The following PAPSS2 variants were observed in gnomAD, a reference collection of about 807,000 sequenced individuals.
PAPSS2 encodes the protein 3'-phosphoadenosine 5'-phosphosulfate synthase 2.
In PAPSS2, 61 loss-of-function variants were observed where a neutral mutation model predicts 66.5. That is an observed-to-expected ratio of 0.92 (90% CI 0.75 to 1.14). The LOEUF (loss-of-function observed/expected upper bound fraction) is 1.14, where lower values mean the gene tolerates loss of function less well. Among genes scored for constraint, PAPSS2 ranks in the 50% most tolerant of loss-of-function variants. The pLI, the probability that PAPSS2 is intolerant of heterozygous loss-of-function variation, is 0.00. For missense variants in PAPSS2, 708 were observed against 789.6 expected, an observed-to-expected ratio of 0.90 and a Z score of 1.24; for synonymous variants, 289 against 287.5, an observed-to-expected ratio of 1.01 and a Z score of -0.05.
rs577960193 is a variant in PAPSS2, at chr10:87,720,356, G to A, written c.866-1400G>A. On this transcript the variant is annotated intron_variant, in intron 7 of 12. Transcript: ENST00000456849. ...GTATCAGGAGGAAGCCATTTGAAAC[G>A]CAGCAACAGAGGCTCCTGACAGTGC... Among the ~76,000 whole-genome samples, 24 of 152,322 alleles carry A rather than the reference G, an allele frequency of 1.6e-4. No individual in the cohort carries two copies. The South Asian group carries it at 4.8e-3, about 30-fold the overall frequency.
At position 87,672,260 on chromosome 10, in the gene PAPSS2, T is replaced by C. The variant is rs574904513; in HGVS notation, c.27+12252T>C. ...GAGGCTCAGGGATATTGGGATGATA[T>C]TTGGTATGAAGGGTTTCTTATTTGG... On this transcript the variant is annotated intron_variant, in intron 1 of 12. Transcript: ENST00000456849. Among the ~76,000 whole-genome samples the C allele has an allele frequency of 4.6e-5, 7 of 152,292 alleles. No individual in the cohort carries two copies. The South Asian group carries it at 1.5e-3, about 32-fold the overall frequency.
At chr10:87,687,981 C>G (rs1353540097) in intron 1 of PAPSS2, among the ~76,000 whole-genome samples, 1 of 152,100 alleles carries the variant, frequency 6.6e-6, no homozygotes, top group African/African-American at 2.4e-5. Context: ...TTCATATACA[C>G]TTTTATTCTA....
At chr10:87,697,982 T>G (rs893288046) in intron 1 of PAPSS2, among the ~76,000 whole-genome samples, 7 of 152,246 alleles carry the variant, frequency 4.6e-5, no homozygotes, top group African/African-American at 1.7e-4. Context: ...ACTGTCTGAA[T>G]TTGCCCTCTA....
rs189586399 is a variant in PAPSS2 at position 87,699,612 on chromosome 10, G to A, written c.28-9584G>A. On this transcript the variant is annotated intron_variant, in intron 1 of 12. Transcript: ENST00000456849. ...CACGCCTGTAATCCTAGCACTTTGGGAGGCTGAGGCGGGCCAATCACGAGG... is the reference window on the plus strand; with the variant it reads ...CACGCCTGTAATCCTAGCACTTTGGAAGGCTGAGGCGGGCCAATCACGAGG... 2.0e-3 allele frequency among the ~76,000 whole-genome samples: 311 copies of A among 152,248 alleles called. 2 individuals are homozygous for A. The highest frequency in any genetic ancestry group is 7.1e-3 in the African/African-American group (294 of 41,550).
At chr10:87,727,242 C>G (rs778792401) in intron 8 of PAPSS2, 42 bp from the exon 9 acceptor site, 2 of 1,527,464 alleles carry the variant, frequency 1.3e-6, no homozygotes, top group African/African-American at 1.4e-5. Context: ...GGATGGCACA[C>G]CTTATATCTA....
chr10:87,679,240 A>C (rs2131902830), intron 1 of PAPSS2, among the ~76,000 whole-genome samples: 1 of 152,314 alleles, frequency 6.6e-6, no homozygotes, highest in South Asian at 2.1e-4. Context: ...GATATCATCA[A>C]GGTAGAGAGT....
At chr10:87,672,008 C>A (rs919387284) in intron 1 of PAPSS2, among the ~76,000 whole-genome samples, 1 of 152,164 alleles carries the variant, frequency 6.6e-6, no homozygotes, top group African/African-American at 2.4e-5. Context: ...TGCATAATAC[C>A]TTTCTTTCAT....
Position 87,677,370 on chromosome 10 carries a change from C to T in PAPSS2, c.27+17362C>T, listed in dbSNP as rs544679293. ...CTATATTATTTTGAAGTGAATTTGA[C>T]TGCAAATATTTTGAAAAATATATGC... On this transcript the variant is annotated intron_variant, in intron 1 of 12. Coordinates refer to ENST00000456849, the MANE Select transcript of PAPSS2 (RefSeq NM_001015880.2). Among the ~76,000 whole-genome samples the T allele has an allele frequency of 2.2e-4, 34 of 152,190 alleles. No individual in the cohort carries two copies. The East Asian group carries it at 6.2e-3, about 28-fold the overall frequency.
At chr10:87,714,892 T>C (rs1408302368) in intron 5 of PAPSS2, 29 bp downstream of exon 5, 3 of 1,478,300 alleles carry the variant, frequency 2.0e-6, no homozygotes, top group South Asian at 1.1e-5. Context: ...TTTTTTTATA[T>C]GTTTAATAAA....
intron 1 of PAPSS2, among the ~76,000 whole-genome samples, chr10:87,682,876 C>G (rs1436128708): frequency 6.6e-6 from 1 of 151,996 alleles, no homozygotes; most frequent in Non-Finnish European, 1.5e-5. Context: ...CAGCTGGAAG[C>G]CTTTTTTCTC....
At chr10:87,690,270 C>T (rs7075381) in intron 1 of PAPSS2, among the ~76,000 whole-genome samples, 21,577 of 151,942 alleles carry the variant, frequency 0.14, 1,613 homozygotes, top group South Asian at 0.26. Flanking sequence ...ATGAGAAAAC[C>T]CTCTGTACTG....
chr10:87,745,214 C>A lies in PAPSS2; in HGVS notation c.1704C>A (p.Asp568Glu), dbSNP rs773771667. 2 of 1,612,652 alleles carry A rather than the reference C, an allele frequency of 1.2e-6. No homozygotes were observed. The highest frequency in any genetic ancestry group is 1.3e-5 in the African/African-American group (1 of 74,900). Reference sequence around the variant, plus strand: ...ACAACAAAGCCAAAAAAGCCATGGACTTCTATGATCCAGCAAGGTAGGTTT... The same window carrying A: ...ACAACAAAGCCAAAAAAGCCATGGAATTCTATGATCCAGCAAGGTAGGTTT... ...AAYNKAKKAMDFYDPARHNEF... is the reference protein window; with the variant it reads ...AAYNKAKKAMEFYDPARHNEF... Residue 568 changes from aspartate to glutamate, a missense_variant, in exon 12 of 13, where the codon GAC becomes GAA. Physicochemically the swap from Asp to Glu is conservative, Grantham distance 45. Coordinates refer to ENST00000456849, the MANE Select transcript of PAPSS2 (RefSeq NM_001015880.2).
chr10:87,674,249 C>A (rs1405969911), intron 1 of PAPSS2, among the ~76,000 whole-genome samples: 4 of 152,230 alleles, frequency 2.6e-5, no homozygotes, highest in Non-Finnish European at 5.9e-5. Context: ...ACTGCAACCT[C>A]CACCTCCTGT....
intron 12 of PAPSS2, among the ~76,000 whole-genome samples, chr10:87,745,541 C>A (rs1853927218): frequency 6.6e-6 from 1 of 152,176 alleles, no homozygotes. Context: ...TTATGGTGCA[C>A]TTGCTCCTCA....
Position 87,714,157 on chromosome 10 carries a change from A to G in PAPSS2, c.495A>G (p.Lys165=). The G allele has an allele frequency of 6.2e-7, 1 of 1,613,772 alleles. No homozygotes were observed. Residue 165 remains lysine, a synonymous_variant, in exon 4 of 13, where the codon AAA becomes AAG. Transcript: ENST00000456849. ...CESRDVKGLY[K]RARAGEIKGF... The stretch of plus-strand genomic sequence containing the variant: ...GCAGAGACGTAAAAGGCCTCTATAA[A>G]AGGGCCAGAGCTGGGGAGATTAAAG...
chr10:87,701,360 CTTTCTTTCTTTCTTTCTTTCTTTCTT>C (rs1564716742), intron 1 of PAPSS2, among the ~76,000 whole-genome samples: 12 of 98,676 alleles, frequency 1.2e-4, no homozygotes, highest in African/African-American at 4.1e-4. Flanking sequence ...TTCTTTCTTT[CTTTCTTTCTTTCTTTCTTTCTTTCTT>C]TCTTTCTTTC....
intron 1 of PAPSS2, among the ~76,000 whole-genome samples, chr10:87,685,476 G>A (rs1436096792): frequency 2.0e-5 from 3 of 152,158 alleles, no homozygotes; most frequent in African/African-American, 7.2e-5. Flanking sequence ...GAGCCTGGGA[G>A]TTTGAGACCA....
intron 9 of PAPSS2, among the ~76,000 whole-genome samples, chr10:87,730,243 C>A (rs74802711): frequency 1.3e-5 from 2 of 152,206 alleles, no homozygotes; most frequent in African/African-American, 4.8e-5. Context: ...TTACTGCACA[C>A]GGGGAAAATC....
intron 7 of PAPSS2, among the ~76,000 whole-genome samples, chr10:87,721,155 C>A (rs1262615869): frequency 1.3e-5 from 2 of 152,170 alleles, no homozygotes; most frequent in Non-Finnish European, 2.9e-5. Context: ...CAGGATAATA[C>A]CACTGTGAAG....
Sources: gnomAD v4.1 joint callset for allele counts (sites outside exome capture counted in the v4.1 genomes callset) on GRCh38, gnomAD v4.1.1 for gene constraint, MANE v1.5 for transcripts, NCBI Gene and HGNC (gene_info 2026-07-23, HGNC 2026-07-21) for gene names.